MVD: variants seen among roughly 807,000 people sequenced by gnomAD.
MVD encodes the protein mevalonate diphosphate decarboxylase, also known as diphosphomevalonate decarboxylase.
Under a neutral mutation model 42.4 loss-of-function variants are expected in MVD, and 52 were observed. The ratio of observed to expected loss-of-function variants is 1.23; its 90% CI spans 0.98 to 1.55. The LOEUF (loss-of-function observed/expected upper bound fraction) is 1.55. Ranked by LOEUF, MVD falls within the 40% of genes most tolerant of loss-of-function variation. The pLI is 0.00. For missense variants in MVD, 663 were observed against 572.1 expected, an observed-to-expected ratio of 1.16 and a Z score of -1.62; for synonymous variants, 287 against 243.2, an observed-to-expected ratio of 1.18 and a Z score of -1.68.
At chr16:88,653,530 G>T in intron 8 of MVD, 122 bp from the exon 9 acceptor site, 1 of 792,214 alleles carries the variant, frequency 1.3e-6, no homozygotes, top group Non-Finnish European at 1.9e-6. Context: ...CAGGGAGGGG[G>T]AGACGGCAGG....
At chr16:88,662,905 G>A in intron 1 of MVD, 106 bp downstream of exon 1, 4 of 1,520,172 alleles carry the variant, frequency 2.6e-6, no homozygotes, top group Non-Finnish European at 3.5e-6. Flanking sequence ...GTCTGTCGAG[G>A]CCCTGGGAGG....
intron 4 of MVD, 90 bp downstream of exon 4, chr16:88,657,346 C>T (rs1907995277): frequency 2.0e-6 from 3 of 1,508,004 alleles, no homozygotes; most frequent in Admixed American, 2.0e-5. Flanking sequence ...TTTAGCCACG[C>T]CCAGCAGTGG....
Position 88,655,287 on chromosome 16 carries a change from G to T in MVD, c.809C>A (p.Thr270Asn). ...SNQFHATCLD[T>N]FPPISYLNAI... The stretch of plus-strand genomic sequence containing the variant: ...ATTGAGGTAAGAGATGGGCGGGAAG[G>T]TGTCGAGGCAGGTGGCGTGGAACTG... The change falls in exon 7 of 10, where the codon ACC becomes AAC. Residue 270 changes from threonine to asparagine, a missense_variant. Coordinates refer to ENST00000301012, the MANE Select transcript of MVD (RefSeq NM_002461.3). 2.5e-6 allele frequency: 4 copies of T among 1,593,574 alleles called. No individual in the cohort carries two copies. Among genetic ancestry groups the T allele is most frequent in the Non-Finnish European group, 3.4e-6 (4 of 1,170,288 alleles).
chr16:88,652,963 C>T (rs1489377255), intron 9 of MVD, among the ~76,000 whole-genome samples: 1 of 152,200 alleles, frequency 6.6e-6, no homozygotes, highest in African/African-American at 2.4e-5. Flanking sequence ...GAACTCCGGT[C>T]TGCTGGGGTG....
intron 6 of MVD, 37 bp downstream of exon 6, chr16:88,655,619 C>T: frequency 6.5e-7 from 1 of 1,545,410 alleles, no homozygotes; most frequent in Non-Finnish European, 8.7e-7. Flanking sequence ...ACAAGCGTGA[C>T]TCCCAGGGCC....
rs775670033 is a variant in MVD, at chr16:88,655,194, G to A, written c.897+5C>T. The A allele has an allele frequency of 1.3e-4, 206 of 1,555,684 alleles. No individual in the cohort carries two copies. Among genetic ancestry groups the A allele is most frequent in the Middle Eastern group, 6.7e-4 (4 of 5,970 alleles). On this transcript the variant is annotated splice_donor_5th_base_variant and intron_variant, in intron 7 of 9. Coordinates refer to ENST00000301012, the MANE Select transcript of MVD (RefSeq NM_002461.3). Reference sequence around the variant, plus strand: ...CGCAGCCTCTGCCCTCCCGGCCCGCGTCACCTTGGTGTCCCCGTGGTGGGC... The same window carrying A: ...CGCAGCCTCTGCCCTCCCGGCCCGCATCACCTTGGTGTCCCCGTGGTGGGC...
At chr16:88,658,966 T>G in intron 1 of MVD, 1 of 481,446 alleles carries the variant, frequency 2.1e-6, no homozygotes, top group Non-Finnish European at 3.9e-6. Flanking sequence ...CCCCATTCCT[T>G]CATCGCTTCT....
At chr16:88,659,837 C>T (rs182253141) in intron 1 of MVD, among the ~76,000 whole-genome samples, 38 of 152,142 alleles carry the variant, frequency 2.5e-4, no homozygotes, top group African/African-American at 8.9e-4. Flanking sequence ...TGTAGTGACG[C>T]ACGCCTGTTA....
chr16:88,654,611 C>G, intron 8 of MVD, 81 bp downstream of exon 8: 5 of 1,398,286 alleles, frequency 3.6e-6, no homozygotes, highest in Non-Finnish European at 4.8e-6. Flanking sequence ...AGCGCCACAG[C>G]CTTCAGGTGC....
In MVD at chr16:88,662,726, G is replaced by C. The variant is rs767411204; in HGVS notation, c.70+285C>G. On this transcript the variant is annotated intron_variant, in intron 1 of 9. Coordinates refer to ENST00000301012, the MANE Select transcript of MVD (RefSeq NM_002461.3). ...CGGATTCTTACGATTCATGGGAATC[G>C]ATGATTGATGATTTCGATAGTTCGG... 9 of 1,446,554 alleles carry C rather than the reference G, an allele frequency of 6.2e-6. No homozygotes were observed. In the South Asian group the frequency reaches 8.9e-5, roughly 14 times the overall value. 89.6% of individuals were successfully genotyped at this position (1,446,554 alleles called of 1,614,324 possible). A position where few individuals can be genotyped will look rare whatever the true frequency, so the allele number is the denominator to read the frequency against.
intron 7 of MVD, 169 bp downstream of exon 7, chr16:88,655,030 A>C (rs866668330): frequency 5.1e-6 from 5 of 980,754 alleles, no homozygotes; most frequent in Middle Eastern, 3.2e-4. Context: ...GTCAAGAAAC[A>C]AAATGAAACA....
At position 88,663,074 on chromosome 16, in the gene MVD, A is replaced by T. The variant is rs891182332; in HGVS notation, c.7T>A (p.Ser3Thr). Residue 3 changes from serine (S) to threonine (T), a missense_variant, in exon 1 of 10, where the codon TCG (serine) becomes ACG (threonine). Physicochemically the swap from Ser to Thr is moderately conservative, Grantham distance 58 (BLOSUM62 1). Coordinates refer to ENST00000301012, the MANE Select transcript of MVD (RefSeq NM_002461.3). ...GTGACTGCCGCCAGCGGCTTCTCCG[A>T]GGCCATGGTCCCACCGCGCAGTGAC... MA[S>T]EKPLAAVTCT... 1.2e-6 allele frequency: 2 copies of T among 1,609,472 alleles called. No individual in the cohort carries two copies. Among genetic ancestry groups the T allele is most frequent in the African/African-American group, 2.7e-5 (2 of 74,588 alleles).
At chr16:88,657,387 C>T in intron 4 of MVD, 49 bp downstream of exon 4, 1 of 1,543,658 alleles carries the variant, frequency 6.5e-7, no homozygotes, top group Non-Finnish European at 8.8e-7. Context: ...CATGAAGTGG[C>T]TCCTGCGCCC....
rs554003292 is a variant in MVD at position 88,654,785 on chromosome 16, C to T, written c.920G>A (p.Gly307Asp). The T allele has an allele frequency of 3.3e-5, 52 of 1,590,374 alleles. No homozygotes were observed. In the South Asian group the frequency reaches 5.2e-4, roughly 16 times the overall value. ...CAGGGTGAAGATCACGGCATTGGGG[C>T]CCGCGTCAAAGGTGTACGCCACCTG... Reference protein sequence around the residue: ...DTKVAYTFDAGPNAVIFTLDD... With the variant: ...DTKVAYTFDADPNAVIFTLDD... The change falls in exon 8 of 10, where the codon GGC (glycine) becomes GAC (aspartate). Residue 307 changes from glycine to aspartate, a missense_variant. Gly to Asp is a moderately conservative substitution (Grantham distance 94). Coordinates refer to ENST00000301012, the MANE Select transcript of MVD (RefSeq NM_002461.3).
rs201452552 is a variant in MVD, at chr16:88,658,746, C to T, written c.71-26G>A. 5.1e-5 allele frequency: 81 copies of T among 1,593,238 alleles called. No individual in the cohort carries two copies. In the East Asian group the frequency reaches 1.2e-3, roughly 23 times the overall value. ...CTGTAATGAACAGCCAGGGCCAGGC[C>T]GGTGGGCTTCCCGGCCCACCCTCCC... On this transcript the variant is annotated intron_variant, in intron 1 of 9. Coordinates refer to ENST00000301012, the MANE Select transcript of MVD (RefSeq NM_002461.3).
chr16:88,656,326 G>A (rs750117187), intron 4 of MVD, 22 bp from the exon 5 acceptor site: 2 of 1,598,352 alleles, frequency 1.3e-6, no homozygotes, highest in South Asian at 1.1e-5. Flanking sequence ...CGGATTCAGG[G>A]AGGGTCCTCA....
At position 88,655,395 on chromosome 16, in the gene MVD, G is replaced by A. The variant is rs868163421; in HGVS notation, c.701C>T (p.Pro234Leu). Reference protein sequence around the residue: ...LLRFRAESVVPARMAEMARCI... With the variant: ...LLRFRAESVVLARMAEMARCI... Reference sequence around the variant, plus strand: ...GCGGGCCATCTCCGCCATGCGCGCGGGCACCACGGACTCGGCCCGGAACTG... The same window carrying A: ...GCGGGCCATCTCCGCCATGCGCGCGAGCACCACGGACTCGGCCCGGAACTG... The change falls in exon 7 of 10, where the codon CCC (proline) becomes CTC (leucine). Residue 234 changes from proline to leucine, a missense_variant. Transcript: ENST00000301012. 3.8e-6 allele frequency: 6 copies of A among 1,587,322 alleles called. No individual in the cohort carries two copies. In the African/African-American group the frequency reaches 6.7e-5, roughly 18 times the overall value.
At position 88,655,223 on chromosome 16, in the gene MVD, G is replaced by A. The variant is rs2142896173; in HGVS notation, c.873C>T (p.Phe291=). The change falls in exon 7 of 10, where the codon TTC becomes TTT. Residue 291 remains phenylalanine (F), a synonymous_variant. Coordinates refer to ENST00000301012, the MANE Select transcript of MVD (RefSeq NM_002461.3). ...SWRIIHLVHR[F]NAHHGDTKVA... ...CCTTGGTGTCCCCGTGGTGGGCGTTGAAGCGGTGCACCAGGTGGATGATGC... is the reference window on the plus strand; with the variant it reads ...CCTTGGTGTCCCCGTGGTGGGCGTTAAAGCGGTGCACCAGGTGGATGATGC... 6.4e-7 allele frequency: 1 copy of A among 1,572,670 alleles called. No homozygotes were observed. The highest frequency in any genetic ancestry group is 8.6e-7 in the Non-Finnish European group (1 of 1,159,150).
chr16:88,654,791 T>A lies in MVD; in HGVS notation c.914A>T (p.Asp305Val). The change falls in exon 8 of 10, where the codon GAC (aspartate) becomes GTC (valine). Residue 305 changes from aspartate (D) to valine (V), a missense_variant. Physicochemically the swap from Asp to Val is radical, Grantham distance 152. Transcript: ENST00000301012. ...HGDTKVAYTF[D>V]AGPNAVIFTL... is the part of the protein sequence containing the mutation. The stretch of plus-strand genomic sequence containing the variant: ...GAAGATCACGGCATTGGGGCCCGCG[T>A]CAAAGGTGTACGCCACCTGGAACCC... The A allele has an allele frequency of 6.3e-7, 1 of 1,584,398 alleles. No individual in the cohort carries two copies. The highest frequency in any genetic ancestry group is 8.6e-7 in the Non-Finnish European group (1 of 1,167,114).
Sources: gnomAD v4.1 joint callset for allele counts (sites outside exome capture counted in the v4.1 genomes callset) on GRCh38, gnomAD v4.1.1 for gene constraint, MANE v1.5 for transcripts, NCBI Gene and HGNC (gene_info 2026-07-23, HGNC 2026-07-21) for gene names.